Variants in TARBP1 observed in about 807,000 individuals in gnomAD.
The protein encoded by TARBP1 is tRNA guanosine 2 -O-methyltransferase TARBP1.
A neutral mutation model predicts 178.6 loss-of-function variants in TARBP1; 144 were observed. That is an observed-to-expected ratio of 0.81 (90% confidence interval 0.70 to 0.93). The LOEUF (loss-of-function observed/expected upper bound fraction) is 0.93. Among genes scored for constraint, TARBP1 ranks in the 40% least tolerant of loss-of-function variants. The pLI is 0.00. For missense variants in TARBP1, 2,067 were observed against 2,011.7 expected, an observed-to-expected ratio of 1.03 and a Z score of -0.53; for synonymous variants, 787 against 781.0, an observed-to-expected ratio of 1.01 and a Z score of -0.13.
At chr1:234,419,215 A>G (rs1473306078) in intron 21 of TARBP1, among the ~76,000 whole-genome samples, 1 of 152,130 alleles carries the variant, frequency 6.6e-6, no homozygotes, top group East Asian at 1.9e-4. Context: ...AAATAAAAGT[A>G]ATATGTATTA....
chr1:234,424,998 T>A (rs10910429), intron 20 of TARBP1, among the ~76,000 whole-genome samples: 36,192 of 151,156 alleles, frequency 0.24, 4,573 homozygotes, highest in East Asian at 0.44. Flanking sequence ...GAGGCAGAGG[T>A]TGCAATGAGC....
At chr1:234,412,050 C>G (rs1211179673) in intron 22 of TARBP1, among the ~76,000 whole-genome samples, 2 of 152,160 alleles carry the variant, frequency 1.3e-5, no homozygotes, top group African/African-American at 4.8e-5. Context: ...AAAATCCTAA[C>G]TGTAAGCAGT....
intron 4 of TARBP1, among the ~76,000 whole-genome samples, chr1:234,465,939 C>T (rs962557225): frequency 2.0e-5 from 3 of 151,962 alleles, no homozygotes; most frequent in African/African-American, 7.3e-5. Flanking sequence ...AAATTTATGC[C>T]ATACTAAAAA....
intron 1 of TARBP1, among the ~76,000 whole-genome samples, chr1:234,473,514 G>A (rs924749579): frequency 3.9e-5 from 6 of 152,194 alleles, no homozygotes; most frequent in African/African-American, 1.2e-4. Flanking sequence ...CACCCTGGGT[G>A]CTGCGACTCC....
At chr1:234,458,664 G>A (rs1175091437) in intron 8 of TARBP1, among the ~76,000 whole-genome samples, 2 of 152,208 alleles carry the variant, frequency 1.3e-5, no homozygotes, top group Admixed American at 6.5e-5. Flanking sequence ...CTGAGGCTTT[G>A]TAAAAAGCAC....
chr1:234,413,604 G>A (rs1029997643), intron 22 of TARBP1, among the ~76,000 whole-genome samples: 5 of 152,162 alleles, frequency 3.3e-5, no homozygotes, highest in Non-Finnish European at 7.3e-5. Context: ...GAGGAAAGAG[G>A]CCTAAGATCA....
In TARBP1 at chr1:234,398,446, C is replaced by T; in HGVS notation, c.4179G>A (p.Gln1393=). 1 of 1,612,086 alleles carries T rather than the reference C, an allele frequency of 6.2e-7. No homozygotes were observed. Among genetic ancestry groups the T allele is most frequent in the Non-Finnish European group, 8.5e-7 (1 of 1,178,708 alleles). ...FTDVPLAAGF[Q]WYLSQTQLSK... is the part of the protein sequence containing the mutation. ...TAAGTTGAGTTTGAGAAAGGTACCACTGAAATCCCGCAGCTAAAGGAACAT... is the reference window on the plus strand; with the variant it reads ...TAAGTTGAGTTTGAGAAAGGTACCATTGAAATCCCGCAGCTAAAGGAACAT... Residue 1393 remains glutamine, a synonymous_variant, in exon 26 of 30, where the codon CAG becomes CAA. Coordinates refer to ENST00000040877, the MANE Select transcript of TARBP1 (RefSeq NM_005646.4).
In TARBP1 at chr1:234,437,230, A is replaced by G. The variant is rs765965898; in HGVS notation, c.2232+45T>C. The G allele has an allele frequency of 1.7e-5, 18 of 1,035,126 alleles. No individual in the cohort carries two copies. The Admixed American group carries it at 3.7e-4, about 21-fold the overall frequency. 64.1% of individuals were successfully genotyped at this position (1,035,126 alleles called of 1,614,324 possible). A position where few individuals can be genotyped will look rare whatever the true frequency, so the allele number is the denominator to read the frequency against. ...AGTAATCACTCAAATATTGGTGAAA[A>G]GAATGAAAGAAATGAAAAAGAAAGT... On this transcript the variant is annotated intron_variant, in intron 13 of 29. Transcript: ENST00000040877.
In TARBP1 at chr1:234,434,683, G is replaced by A. The variant is rs371365775; in HGVS notation, c.2233-1112C>T. On this transcript the variant is annotated intron_variant, in intron 13 of 29. Coordinates refer to ENST00000040877, the MANE Select transcript of TARBP1 (RefSeq NM_005646.4). ...TAAGCTCAGAAGGGTGGTCTGAGGT[G>A]GAGACAGAGATTTGAGGGTCCCTGG... Among the ~76,000 whole-genome samples the A allele has an allele frequency of 5.3e-5, 8 of 152,300 alleles. No individual in the cohort carries two copies. In the East Asian group the frequency reaches 1.4e-3, roughly 26 times the overall value.
Position 234,434,237 on chromosome 1 carries a change from T to C in TARBP1, c.2233-666A>G, listed in dbSNP as rs150153532. 7.3e-3 allele frequency among the ~76,000 whole-genome samples: 1,116 copies of C among 152,232 alleles called. 15 individuals are homozygous for C. Among genetic ancestry groups the C allele is most frequent in the African/African-American group, 0.025 (1,058 of 41,524 alleles). On this transcript the variant is annotated intron_variant, in intron 13 of 29. Transcript: ENST00000040877. ...CCTAACCTTGTCCTTGTCCATAATA[T>C]AGAGATAGTAATATTTATCCATCAC...
intron 20 of TARBP1, among the ~76,000 whole-genome samples, chr1:234,424,897 A>G (rs1031405679): frequency 6.6e-6 from 1 of 152,124 alleles, no homozygotes; most frequent in African/African-American, 2.4e-5. Flanking sequence ...CCCCGTCTCT[A>G]CTAAAAATAC....
Position 234,478,966 on chromosome 1 carries a change from C to T in TARBP1, c.138G>A (p.Glu46=). 6.8e-7 allele frequency: 1 copy of T among 1,469,676 alleles called. No homozygotes were observed. Among genetic ancestry groups the T allele is most frequent in the Non-Finnish European group, 8.9e-7 (1 of 1,119,662 alleles). The allele number at this position is 1,469,676 out of a possible 1,614,324, so 91.0% of individuals were successfully genotyped here. A position where few individuals can be genotyped will look rare whatever the true frequency, so the allele number is the denominator to read the frequency against. The part of the protein sequence containing the change: ...LRFLLQRLED[E]EARGSGGAGA... ...CTGCGCCCCCGCTGCCGCGCGCCTC[C>T]TCGTCCTCGAGCCGCTGCAGAAGGA... The change falls in exon 1 of 30, where the codon GAG becomes GAA. Residue 46 remains glutamate, a synonymous_variant. Coordinates refer to ENST00000040877, the MANE Select transcript of TARBP1 (RefSeq NM_005646.4).
intron 15 of TARBP1, among the ~76,000 whole-genome samples, 161 bp downstream of exon 15, chr1:234,429,926 G>C (rs1320570535): frequency 6.6e-6 from 1 of 152,182 alleles, no homozygotes; most frequent in Non-Finnish European, 1.5e-5. Context: ...AGAAAAGTCA[G>C]CAAGTCTCCA....
intron 10 of TARBP1, among the ~76,000 whole-genome samples, chr1:234,449,786 G>C (rs929966267): frequency 6.6e-6 from 1 of 152,176 alleles, no homozygotes; most frequent in Non-Finnish European, 1.5e-5. Flanking sequence ...TAAATTCGAA[G>C]ATGCAATTTT....
At chr1:234,450,647 T>G in intron 9 of TARBP1, 81 bp from the exon 10 acceptor site, 1 of 1,464,592 alleles carries the variant, frequency 6.8e-7, no homozygotes, top group Non-Finnish European at 9.2e-7. Context: ...CCACGTTTCT[T>G]TCTTTCACGA....
At chr1:234,427,511 T>G in intron 18 of TARBP1, 65 bp downstream of exon 18, 1 of 1,490,326 alleles carries the variant, frequency 6.7e-7, no homozygotes, top group Non-Finnish European at 9.0e-7. Flanking sequence ...AACAAAGACA[T>G]AATTCTATAC....
rs942828020 is a variant in TARBP1, at chr1:234,410,606, G to A, written c.3706-75C>T. ...ACATGCACGTGAAAGCGCCGTGCTG[G>A]ACTCTATGAGGGCCCAGGACAGGAG... On this transcript the variant is annotated intron_variant, in intron 22 of 29. Coordinates refer to ENST00000040877, the MANE Select transcript of TARBP1 (RefSeq NM_005646.4). 5 of 939,860 alleles carry A rather than the reference G, an allele frequency of 5.3e-6. No individual in the cohort carries two copies. The African/African-American group carries it at 8.2e-5, about 15-fold the overall frequency. The allele number at this position is 939,860 out of a possible 1,614,324, so 58.2% of individuals were successfully genotyped here.
rs536295070 is a variant in TARBP1 at position 234,410,460 on chromosome 1, T to C, written c.3777A>G (p.Gln1259=). The change falls in exon 23 of 30, where the codon CAA becomes CAG. Residue 1259 remains glutamine, a synonymous_variant. Transcript: ENST00000040877. ...ACAAACTTACCTTTTCTGGAATATT[T>C]TGAGTAATAATGTCTAAATGTGATA... ...AVLSHLDIIT[Q]NIPEKKLILK... is the part of the protein sequence containing the mutation. 8 of 1,490,224 alleles carry C rather than the reference T, an allele frequency of 5.4e-6. No homozygotes were observed. Among genetic ancestry groups the C allele is most frequent in the Non-Finnish European group, 7.4e-6 (8 of 1,086,398 alleles). 92.3% of individuals were successfully genotyped at this position (1,490,224 alleles called of 1,614,324 possible).
chr1:234,419,031 GTGA>G (rs1662766520), intron 21 of TARBP1, among the ~76,000 whole-genome samples: 1 of 152,052 alleles, frequency 6.6e-6, no homozygotes, highest in Non-Finnish European at 1.5e-5. Flanking sequence ...AATTAGCCGG[GTGA>G]GGTGGTGGGC....
Sources: gnomAD v4.1 joint callset for allele counts (sites outside exome capture counted in the v4.1 genomes callset) on GRCh38, gnomAD v4.1.1 for gene constraint, MANE v1.5 for transcripts, NCBI Gene and HGNC (gene_info 2026-07-23, HGNC 2026-07-21) for gene names.